TRIB3: variants seen among roughly 807,000 people sequenced by gnomAD.
The protein encoded by TRIB3 is tribbles homolog 3.
In TRIB3, 20 loss-of-function variants were observed where a neutral mutation model predicts 16.6. The observed-to-expected ratio is 1.20, with a 90% CI of 0.85 to 1.75. The LOEUF (loss-of-function observed/expected upper bound fraction) is 1.75, where lower values mean the gene tolerates loss of function less well. Among genes scored for constraint, TRIB3 ranks in the 40% most tolerant of loss-of-function variants. The pLI is 0.00. For synonymous variants in TRIB3, 208 were observed against 217.0 expected (o/e 0.96, Z 0.36); for missense variants, 484 against 488.9 (o/e 0.99, Z 0.10).
Position 396,502 on chromosome 20 carries a change from C to G in TRIB3, c.889C>G (p.Arg297Gly). ...PARCLVRCLL[R>G]REPAERLTAT... ...CCGCTGTCTGGTTCGCTGCCTCCTT[C>G]GTCGGGAGCCAGCTGAACGGCTCAC... The change falls in exon 4 of 4, where the codon CGT becomes GGT. Residue 297 changes from arginine to glycine, a missense_variant. Physicochemically the swap from Arg to Gly is moderately radical, Grantham distance 125. Coordinates refer to ENST00000217233, the MANE Select transcript of TRIB3 (RefSeq NM_021158.5). 3 of 1,613,092 alleles carry G rather than the reference C, an allele frequency of 1.9e-6. No individual in the cohort carries two copies. Among genetic ancestry groups the G allele is most frequent in the Non-Finnish European group, 2.5e-6 (3 of 1,180,030 alleles).
chr20:386,984 C>A (rs1370681026), intron 1 of TRIB3, among the ~76,000 whole-genome samples: 1 of 152,148 alleles, frequency 6.6e-6, no homozygotes, highest in Non-Finnish European at 1.5e-5. Context: ...AACTCCCAGC[C>A]TCATGATTCG....
At chr20:382,537 C>T (rs1245395190) in intron 1 of TRIB3, 3 of 1,535,624 alleles carry the variant, frequency 2.0e-6, no homozygotes, top group South Asian at 1.2e-5. Flanking sequence ...CTTTCTAAGA[C>T]TCCCAAGGAT....
rs756027908 is a variant in TRIB3, at chr20:391,447, G to A, written c.452G>A (p.Arg151His). Residue 151 changes from arginine to histidine, a missense_variant, in exon 3 of 4, where the codon CGC becomes CAC. Transcript: ENST00000217233. ...GACATGCACAGCCTGGTGCGAAGCC[G>A]CCACCGTATCCCTGAGCCTGAGGCT... The part of the protein sequence containing the change: ...HGDMHSLVRS[R>H]HRIPEPEAAV... 30 of 1,613,710 alleles carry A rather than the reference G, an allele frequency of 1.9e-5. No individual in the cohort carries two copies. The highest frequency in any genetic ancestry group is 3.3e-5 in the Admixed American group (2 of 59,986).
intron 1 of TRIB3, among the ~76,000 whole-genome samples, chr20:383,772 C>T (rs1161833745): frequency 6.6e-6 from 1 of 152,146 alleles, no homozygotes; most frequent in Non-Finnish European, 1.5e-5. Flanking sequence ...AAAATGCACT[C>T]CTCAGAGGTG....
chr20:387,646 G>A (rs932579583), intron 1 of TRIB3, among the ~76,000 whole-genome samples: 14 of 151,840 alleles, frequency 9.2e-5, no homozygotes, highest in South Asian at 8.3e-4. Flanking sequence ...AGATCAGTAC[G>A]CATCAGTATA....
intron 2 of TRIB3, among the ~76,000 whole-genome samples, chr20:388,766 G>A (rs1288824667): frequency 6.6e-6 from 1 of 152,162 alleles, no homozygotes; most frequent in African/African-American, 2.4e-5. Flanking sequence ...TTAACAAGGG[G>A]CCTCCACTGG....
At chr20:382,193 G>A (rs2014680929) in intron 1 of TRIB3, among the ~76,000 whole-genome samples, 1 of 152,184 alleles carries the variant, frequency 6.6e-6, no homozygotes, top group Non-Finnish European at 1.5e-5. Context: ...AGTGTGGCAG[G>A]GAACAGCAAG....
rs977825601 is a variant in TRIB3, at chr20:396,194, C to A, written c.585-4C>A. 2 of 1,604,926 alleles carry A rather than the reference C, an allele frequency of 1.2e-6. No individual in the cohort carries two copies. Among genetic ancestry groups the A allele is most frequent in the East Asian group, 2.2e-5 (1 of 44,630 alleles). ...TGACCCTTCTGTTTCTCCCCATGTC[C>A]CAGGAAGAAGCTGGTGCTGGAGAAC... is the stretch of plus-strand genomic sequence containing the variant. On this transcript the variant is annotated splice_region_variant and splice_polypyrimidine_tract_variant and intron_variant, in intron 3 of 3. Coordinates refer to ENST00000217233, the MANE Select transcript of TRIB3 (RefSeq NM_021158.5).
chr20:387,786 T>C (rs1157885248), intron 1 of TRIB3, among the ~76,000 whole-genome samples: 3 of 152,196 alleles, frequency 2.0e-5, no homozygotes, highest in African/African-American at 7.2e-5. Context: ...GACACAAGGC[T>C]CTGATGAACA....
chr20:391,594 A>C lies in TRIB3; in HGVS notation c.584+15A>C, dbSNP rs370698877. On this transcript the variant is annotated intron_variant, in intron 3 of 3. Transcript: ENST00000217233. Reference sequence around the variant, plus strand: ...GACCGTGAGAGGTGAGTGTGGTCTCAGAGACCCCAGCCACAGACACACCCA... The same window carrying C: ...GACCGTGAGAGGTGAGTGTGGTCTCCGAGACCCCAGCCACAGACACACCCA... 10 of 1,597,856 alleles carry C rather than the reference A, an allele frequency of 6.3e-6. No homozygotes were observed. The highest frequency in any genetic ancestry group is 1.3e-5 in the African/African-American group (1 of 74,722).
At chr20:389,025 C>A (rs941957664) in intron 2 of TRIB3, among the ~76,000 whole-genome samples, 2 of 152,094 alleles carry the variant, frequency 1.3e-5, no homozygotes, top group African/African-American at 4.8e-5. Context: ...AGGGTCAAGG[C>A]CCCTGAGGGT....
At position 380,903 on chromosome 20, in the gene TRIB3, G is replaced by A; in HGVS notation, c.-267G>A. 9.1e-6 allele frequency: 1 copy of A among 110,386 alleles called. No individual in the cohort carries two copies. Among genetic ancestry groups the A allele is most frequent in the East Asian group, 2.3e-4 (1 of 4,318 alleles). The allele number at this position is 110,386 out of a possible 1,614,324, so 6.8% of individuals were successfully genotyped here. On this transcript the variant is annotated 5_prime_UTR_variant, in exon 1 of 4. Transcript: ENST00000217233. Reference sequence around the variant, plus strand: ...TGATTAGCTCCGGTTTGCATCACCCGGACCGGGGGATTAGCTCCGGTTTGC... The same window carrying A: ...TGATTAGCTCCGGTTTGCATCACCCAGACCGGGGGATTAGCTCCGGTTTGC...
At chr20:394,165 G>C (rs527411352) in intron 3 of TRIB3, among the ~76,000 whole-genome samples, 8 of 151,908 alleles carry the variant, frequency 5.3e-5, no homozygotes, top group Admixed American at 3.3e-4. Flanking sequence ...TGAGCAGCTG[G>C]GATTACAGGC....
At chr20:381,709 A>G (rs2014655616) in intron 1 of TRIB3, among the ~76,000 whole-genome samples, 1 of 150,874 alleles carries the variant, frequency 6.6e-6, no homozygotes, top group Non-Finnish European at 1.5e-5. Flanking sequence ...TTGGCGGTGC[A>G]GGGGACACCG....
chr20:382,099 CT>C (rs1301012796), intron 1 of TRIB3, among the ~76,000 whole-genome samples: 1 of 142,258 alleles, frequency 7.0e-6, no homozygotes, highest in African/African-American at 2.6e-5. Context: ...GCTGGGAGGG[CT>C]GTGTGTGTGT....
In TRIB3 at chr20:396,434, G is replaced by C; in HGVS notation, c.821G>C (p.Arg274Pro). ...SEPVLLFGKI[R>P]RGAYALPAGL... ...CCTGTCCTGCTCTTCGGCAAGATCC[G>C]CCGCGGGGCCTACGCCTTGCCTGCA... The change falls in exon 4 of 4, where the codon CGC becomes CCC. Residue 274 changes from arginine to proline, a missense_variant. Transcript: ENST00000217233. 2 of 1,612,734 alleles carry C rather than the reference G, an allele frequency of 1.2e-6. No homozygotes were observed. The highest frequency in any genetic ancestry group is 1.7e-6 in the Non-Finnish European group (2 of 1,180,008).
rs543182894 is a variant in TRIB3, at chr20:390,328, C to CA, written c.292-952dup. The stretch of plus-strand genomic sequence containing the variant: ...GGGCAACAAGAGCAAAACTCCGTCT[C>CA]AAAAAAACAAAAAACAAACAGGAAA... On this transcript the variant is annotated intron_variant, in intron 2 of 3. Coordinates refer to ENST00000217233, the MANE Select transcript of TRIB3 (RefSeq NM_021158.5). 9.7e-5 allele frequency among the ~76,000 whole-genome samples: 14 copies of CA among 143,830 alleles called. No homozygotes were observed. The South Asian group carries it at 2.8e-3, about 29-fold the overall frequency. The allele number at this position is 143,830 out of a possible 152,430, so 94.4% of individuals were successfully genotyped here.
chr20:383,154 GTGAA>G (rs2014708515), intron 1 of TRIB3, among the ~76,000 whole-genome samples: 1 of 152,164 alleles, frequency 6.6e-6, no homozygotes. Flanking sequence ...ACACAGCTGC[GTGAA>G]TGGTGGCTTT....
At chr20:384,396 G>A (rs188761785) in intron 1 of TRIB3, among the ~76,000 whole-genome samples, 117 of 152,064 alleles carry the variant, frequency 7.7e-4, no homozygotes, top group Non-Finnish European at 1.3e-3. Flanking sequence ...ACAGAGTCTT[G>A]CTCTGTCCCC....
Sources: allele counts gnomAD v4.1 joint callset (sites outside exome capture counted in the v4.1 genomes callset), GRCh38; gene constraint gnomAD v4.1.1; transcripts MANE v1.5; gene names NCBI Gene and HGNC (gene_info 2026-07-23, HGNC 2026-07-21).